Variants in TSHZ3 observed in about 807,000 individuals in gnomAD.
TSHZ3 encodes the protein teashirt homolog 3.
Under a neutral mutation model 64.5 loss-of-function variants are expected in TSHZ3, and 10 were observed. The observed-to-expected ratio is 0.16, with a 90% CI of 0.10 to 0.26. The LOEUF is 0.26. Ranked by LOEUF, TSHZ3 falls within the 10% of genes least tolerant of loss-of-function variation. The pLI is 1.00. For missense variants in TSHZ3, 1,242 were observed against 1,421.7 expected, an observed-to-expected ratio of 0.87 and a Z score of 2.03; for synonymous variants, 608 against 593.1, an observed-to-expected ratio of 1.03 and a Z score of -0.36.
chr19:31,325,229 C>A (rs903399686), intron 1 of TSHZ3, among the ~76,000 whole-genome samples: 2 of 152,170 alleles, frequency 1.3e-5, no homozygotes, highest in African/African-American at 4.8e-5. Context: ...CCAGGCTTTA[C>A]ACCCTCAGTG....
chr19:31,295,155 G>C (rs1976641252), intron 1 of TSHZ3, among the ~76,000 whole-genome samples: 1 of 152,152 alleles, frequency 6.6e-6, no homozygotes, highest in Non-Finnish European at 1.5e-5. Flanking sequence ...TCACAAGGAC[G>C]ATAAGACAGA....
At chr19:31,229,256 G>T (rs188659133) in intron 3 of TSHZ3, among the ~76,000 whole-genome samples, 1 of 152,122 alleles carries the variant, frequency 6.6e-6, no homozygotes. Flanking sequence ...ATCAAGTAAA[G>T]TTTGACCAAA....
intron 4 of TSHZ3, chr19:31,207,677 C>A (rs1218951649): frequency 1.3e-5 from 2 of 152,190 alleles, no homozygotes; most frequent in East Asian, 3.8e-4. Context: ...ACTATATGAG[C>A]TTCTTTTGAC....
At chr19:31,313,639 C>T (rs190607470) in intron 1 of TSHZ3, among the ~76,000 whole-genome samples, 3 of 152,288 alleles carry the variant, frequency 2.0e-5, no homozygotes, top group Admixed American at 6.5e-5. Context: ...AAACAGGCAG[C>T]GACATGTGAC....
intron 1 of TSHZ3, among the ~76,000 whole-genome samples, chr19:31,322,612 G>A (rs1188822860): frequency 1.3e-5 from 2 of 151,506 alleles, no homozygotes; most frequent in Non-Finnish European, 2.9e-5. Flanking sequence ...TAGAGACCAG[G>A]TCTCACTATG....
chr19:31,195,120 TAC>T (rs1014898262), intron 5 of TSHZ3, among the ~76,000 whole-genome samples: 2 of 151,960 alleles, frequency 1.3e-5, no homozygotes, highest in Non-Finnish European at 2.9e-5. Flanking sequence ...AGGTATAACA[TAC>T]ACATATGGGA....
chr19:31,324,820 A>G (rs1916885035), intron 1 of TSHZ3, among the ~76,000 whole-genome samples: 1 of 144,284 alleles, frequency 6.9e-6, no homozygotes, highest in Non-Finnish European at 1.6e-5. Flanking sequence ...ATGGAAGCAC[A>G]GTGATTTTTT....
intron 1 of TSHZ3, among the ~76,000 whole-genome samples, chr19:31,316,248 C>G (rs890078567): frequency 9.9e-5 from 15 of 152,104 alleles, no homozygotes; most frequent in Non-Finnish European, 1.6e-4. Flanking sequence ...TTCCCATTTT[C>G]CAGGGGGAAA....
chr19:31,279,316 G>GCTGCTGCTGCTGCTA lies in TSHZ3; in HGVS notation c.462_476dup (p.Ser155_Ser159dup), dbSNP rs1288775295. 2 of 1,608,638 alleles carry GCTGCTGCTGCTGCTA rather than the reference G, an allele frequency of 1.2e-6. No homozygotes were observed. The highest frequency in any genetic ancestry group is 8.5e-7 in the Non-Finnish European group (1 of 1,175,850). On this transcript the variant is annotated inframe_insertion, in exon 2 of 2. Coordinates refer to ENST00000240587, the MANE Select transcript of TSHZ3 (RefSeq NM_020856.4). The surrounding 1 kb of genome is among the most constrained non-coding windows in gnomAD (Gnocchi z 6.4). ...GCCAGTCGAAGCTCCCGCTGCCACA[G>GCTGCTGCTGCTGCTA]CTGCTGCTGCTGCTACTGCTGCTGC...
At chr19:31,236,638 C>G (rs115042849) in intron 3 of TSHZ3, among the ~76,000 whole-genome samples, 1,830 of 151,930 alleles carry the variant, frequency 0.012, 34 homozygotes, top group African/African-American at 0.042. Context: ...GAAATCGGAC[C>G]CTTATCTCAC....
chr19:31,242,237 T>A (rs1302798672), intron 3 of TSHZ3, among the ~76,000 whole-genome samples: 1 of 152,074 alleles, frequency 6.6e-6, no homozygotes, highest in Non-Finnish European at 1.5e-5. Context: ...GATAGATAAG[T>A]GAGAGGCTAT....
chr19:31,254,598 C>T (rs376384839), intron 1 of TSHZ3, among the ~76,000 whole-genome samples: 4 of 152,310 alleles, frequency 2.6e-5, no homozygotes, highest in South Asian at 4.1e-4. Context: ...AAACAGATAC[C>T]GTTCAATGCG....
chr19:31,191,253 TA>T (rs1481635225), intron 5 of TSHZ3, among the ~76,000 whole-genome samples: 2 of 152,120 alleles, frequency 1.3e-5, no homozygotes, highest in Non-Finnish European at 1.5e-5. Flanking sequence ...GCCAAATTGC[TA>T]AAAATATTTT....
chr19:31,344,815 T>G (rs1025727885), intron 1 of TSHZ3, among the ~76,000 whole-genome samples: 1 of 152,218 alleles, frequency 6.6e-6, no homozygotes, highest in African/African-American at 2.4e-5. Flanking sequence ...GCAGTCGCCT[T>G]TCATTCTAAT....
intron 4 of TSHZ3, among the ~76,000 whole-genome samples, chr19:31,227,600 A>T (rs959239783): frequency 6.6e-6 from 1 of 152,124 alleles, no homozygotes; most frequent in East Asian, 1.9e-4. Context: ...AAGAAGAGAG[A>T]GATCCCTAAT....
intron 3 of TSHZ3, among the ~76,000 whole-genome samples, chr19:31,235,923 C>A (rs1975608204): frequency 6.6e-6 from 1 of 151,910 alleles, no homozygotes; most frequent in South Asian, 2.1e-4. Context: ...ACCATGTTGG[C>A]CAGGCTGGTC....
intron 4 of TSHZ3, among the ~76,000 whole-genome samples, chr19:31,215,085 C>T (rs1008660736): frequency 2.0e-5 from 3 of 152,080 alleles, no homozygotes; most frequent in African/African-American, 7.2e-5. Flanking sequence ...CTATACATCT[C>T]CAGTGTAGGT....
chr19:31,158,661 A>C (rs115284358), intron 5 of TSHZ3, among the ~76,000 whole-genome samples: 1 of 152,318 alleles, frequency 6.6e-6, no homozygotes. Context: ...TTGTAATCAT[A>C]TAATGAAATA....
At chr19:31,312,595 T>G (rs1185343606) in intron 1 of TSHZ3, among the ~76,000 whole-genome samples, 1 of 152,218 alleles carries the variant, frequency 6.6e-6, no homozygotes, top group African/African-American at 2.4e-5. Context: ...TTTGGGGCTT[T>G]CAGGGCCCCT....
Sources: allele counts gnomAD v4.1 joint callset (sites outside exome capture counted in the v4.1 genomes callset), GRCh38; gene constraint gnomAD v4.1.1; non-coding constraint Gnocchi (gnomAD v3.1); transcripts MANE v1.5; gene names NCBI Gene and HGNC (gene_info 2026-07-23, HGNC 2026-07-21).